The following SLC9C2 variants were observed in gnomAD, a reference collection of about 807,000 sequenced individuals.
SLC9C2 encodes solute carrier family 9 member C2 (putative), also known as sodium/hydrogen exchanger 11.
In SLC9C2, 75 loss-of-function variants were observed where a neutral mutation model predicts 140.2. That is an observed-to-expected ratio of 0.53 (90% CI 0.44 to 0.65). The LOEUF (loss-of-function observed/expected upper bound fraction) is 0.65. SLC9C2 is among the 30% of genes least tolerant of loss of function. The pLI, the probability that SLC9C2 is intolerant of heterozygous loss-of-function variation, is 0.00. For missense variants in SLC9C2, 1,074 were observed against 1,331.8 expected, an observed-to-expected ratio of 0.81 and a Z score of 3.01; for synonymous variants, 375 against 420.9, an observed-to-expected ratio of 0.89 and a Z score of 1.34.
Position 173,534,695 on chromosome 1 carries a change from C to A in SLC9C2, c.1776-13G>T. ...AAATGTATTACTCCTGAAAAGAGATCAAATAAAATGTTAGATCACTTAAAA... is the reference window on the plus strand; with the variant it reads ...AAATGTATTACTCCTGAAAAGAGATAAAATAAAATGTTAGATCACTTAAAA... On this transcript the variant is annotated splice_polypyrimidine_tract_variant and intron_variant, in intron 15 of 27. Transcript: ENST00000367714. 1.4e-6 allele frequency: 2 copies of A among 1,431,902 alleles called. No homozygotes were observed. Among genetic ancestry groups the A allele is most frequent in the East Asian group, 2.7e-5 (1 of 36,842 alleles). The allele number at this position is 1,431,902 out of a possible 1,614,324, so 88.7% of individuals were successfully genotyped here.
At chr1:173,586,651 T>C (rs1665864846) in intron 5 of SLC9C2, among the ~76,000 whole-genome samples, 2 of 152,112 alleles carry the variant, frequency 1.3e-5, no homozygotes, top group South Asian at 2.1e-4. Flanking sequence ...CATGATAGAC[T>C]GGATAAAGAA....
At chr1:173,543,396 G>A (rs185852202) in intron 13 of SLC9C2, among the ~76,000 whole-genome samples, 2 of 152,336 alleles carry the variant, frequency 1.3e-5, no homozygotes, top group East Asian at 3.9e-4. Flanking sequence ...TCATAGATAG[G>A]AGGAATCAAT....
Position 173,512,631 on chromosome 1 carries a change from G to C in SLC9C2, c.2908-2932C>G, listed in dbSNP as rs184533678. Among the ~76,000 whole-genome samples, 43 of 152,232 alleles carry C rather than the reference G, an allele frequency of 2.8e-4. No individual in the cohort carries two copies. In the East Asian group the frequency reaches 7.5e-3, roughly 27 times the overall value. On this transcript the variant is annotated intron_variant, in intron 23 of 27. Coordinates refer to ENST00000367714, the MANE Select transcript of SLC9C2 (RefSeq NM_178527.4). ...AATTTGATTTCCTCTCTTCCCATTT[G>C]AATACCTTTATTTCTTTATCTTTCC...
intron 4 of SLC9C2, chr1:173,596,804 T>C (rs1463172782): frequency 1.3e-5 from 2 of 152,116 alleles, no homozygotes; most frequent in Admixed American, 1.3e-4. Flanking sequence ...TAGTCAATTT[T>C]ACACATAAAA....
At chr1:173,531,185 T>A (rs531087448) in intron 17 of SLC9C2, among the ~76,000 whole-genome samples, 2 of 152,186 alleles carry the variant, frequency 1.3e-5, no homozygotes, top group Non-Finnish European at 2.9e-5. Context: ...TTATGTAAAG[T>A]GCTTTAAACA....
intron 13 of SLC9C2, among the ~76,000 whole-genome samples, chr1:173,543,450 T>G (rs969411412): frequency 5.9e-5 from 9 of 152,056 alleles, no homozygotes; most frequent in Non-Finnish European, 1.2e-4. Context: ...TATAGATTCA[T>G]TGCCATCCCC....
intron 23 of SLC9C2, among the ~76,000 whole-genome samples, chr1:173,517,107 T>C (rs1418125649): frequency 6.6e-6 from 1 of 152,260 alleles, no homozygotes; most frequent in Non-Finnish European, 1.5e-5. Flanking sequence ...GCCACATGTA[T>C]GTCTTCTTTT....
chr1:173,563,465 G>T (rs1466007629), intron 9 of SLC9C2, among the ~76,000 whole-genome samples: 1 of 151,896 alleles, frequency 6.6e-6, no homozygotes, highest in African/African-American at 2.4e-5. Flanking sequence ...GGGAAGAGAA[G>T]GCCAATCTAG....
intron 24 of SLC9C2, among the ~76,000 whole-genome samples, chr1:173,508,094 G>A (rs1235098677): frequency 7.9e-5 from 12 of 151,672 alleles, no homozygotes; most frequent in Non-Finnish European, 1.6e-4. Context: ...TTTGCTGAGG[G>A]CACCAGCACA....
intron 24 of SLC9C2, among the ~76,000 whole-genome samples, chr1:173,507,793 C>A (rs1659762954): frequency 6.6e-6 from 1 of 152,172 alleles, no homozygotes; most frequent in Non-Finnish European, 1.5e-5. Flanking sequence ...TCCCTCACAG[C>A]CCCTCAGTAG....
chr1:173,581,981 T>C lies in SLC9C2; in HGVS notation c.668A>G (p.Tyr223Cys), dbSNP rs779195281. 3 of 1,589,226 alleles carry C rather than the reference T, an allele frequency of 1.9e-6. No individual in the cohort carries two copies. Among genetic ancestry groups the C allele is most frequent in the South Asian group, 2.3e-5 (2 of 86,236 alleles). The part of the protein sequence containing the change: ...RDLHVGIELS[Y>C]DILGSIIFGY... ...AAATATTATGCTTCCCAAAATGTCA[T>C]AGCTGAGTTCAATGCCTACATGTAA... The change falls in exon 7 of 28, where the codon TAT (tyrosine) becomes TGT (cysteine). Residue 223 changes from tyrosine to cysteine, a missense_variant. Tyr to Cys is a radical substitution (Grantham distance 194). Coordinates refer to ENST00000367714, the MANE Select transcript of SLC9C2 (RefSeq NM_178527.4).
At chr1:173,526,811 G>T in intron 18 of SLC9C2, 97 bp from the exon 19 acceptor site, 1 of 835,538 alleles carries the variant, frequency 1.2e-6, no homozygotes, top group Non-Finnish European at 1.9e-6. Flanking sequence ...TTCCTGAGAA[G>T]CATACTTATT....
At chr1:173,529,826 C>A (rs1033254105) in intron 18 of SLC9C2, 79 bp downstream of exon 18, 1 of 1,475,140 alleles carries the variant, frequency 6.8e-7, no homozygotes, top group East Asian at 2.3e-5. Context: ...TTTCGTCAAA[C>A]ACACATAGAA....
chr1:173,581,793 C>A, intron 7 of SLC9C2, 54 bp downstream of exon 7: 2 of 1,374,352 alleles, frequency 1.5e-6, no homozygotes, highest in Admixed American at 2.4e-5. Flanking sequence ...AAAAAATAAA[C>A]ATGTATAAAA....
chr1:173,572,587 T>C (rs2102177661), intron 9 of SLC9C2, among the ~76,000 whole-genome samples: 1 of 152,356 alleles, frequency 6.6e-6, no homozygotes, highest in Non-Finnish European at 1.5e-5. Flanking sequence ...CAGGTTTAAA[T>C]ACCAAATTTG....
chr1:173,561,808 C>A (rs1275761341), intron 9 of SLC9C2, among the ~76,000 whole-genome samples: 4 of 151,806 alleles, frequency 2.6e-5, no homozygotes, highest in Non-Finnish European at 5.9e-5. Context: ...GCCACTCCCA[C>A]CCATTCCCCC....
At chr1:173,569,697 TAA>T (rs1664719285) in intron 9 of SLC9C2, among the ~76,000 whole-genome samples, 2 of 152,098 alleles carry the variant, frequency 1.3e-5, no homozygotes, top group Non-Finnish European at 2.9e-5. Context: ...TCAAGCTGAC[TAA>T]TTCTTTCTTC....
intron 8 of SLC9C2, among the ~76,000 whole-genome samples, chr1:173,574,792 G>A (rs1238771690): frequency 1.3e-5 from 2 of 152,066 alleles, no homozygotes; most frequent in African/African-American, 2.4e-5. Flanking sequence ...TTACAGGCAT[G>A]AGCCACCGCA....
intron 17 of SLC9C2, 29 bp from the exon 18 acceptor site, chr1:173,530,083 C>T: frequency 6.4e-7 from 1 of 1,557,140 alleles, no homozygotes; most frequent in Non-Finnish European, 8.6e-7. Flanking sequence ...GAAAAAAAAA[C>T]CTGTACATTT....
Sources: gnomAD v4.1 joint callset for allele counts (sites outside exome capture counted in the v4.1 genomes callset) on GRCh38, gnomAD v4.1.1 for gene constraint, MANE v1.5 for transcripts, NCBI Gene and HGNC (gene_info 2026-07-23, HGNC 2026-07-21) for gene names.